Variants in CDYL2 observed in about 807,000 individuals in gnomAD.
The protein encoded by CDYL2 is chromodomain Y-like protein 2.
In CDYL2, 23 loss-of-function variants were observed where a neutral mutation model predicts 49.4. The ratio of observed to expected loss-of-function variants is 0.47; its 90% confidence interval spans 0.34 to 0.66. CDYL2 has a LOEUF of 0.66. Ranked by LOEUF, CDYL2 falls within the 30% of genes least tolerant of loss-of-function variation. CDYL2 has a pLI of 0.01. For missense variants in CDYL2, 678 were observed against 656.4 expected (o/e 1.03, Z -0.36); for synonymous variants, 360 against 268.8 (o/e 1.34, Z -3.32).
intron 1 of CDYL2, among the ~76,000 whole-genome samples, chr16:80,726,805 C>T (rs1312622318): frequency 6.6e-6 from 1 of 152,140 alleles, no homozygotes; most frequent in Non-Finnish European, 1.5e-5. Context: ...AACAAACAAA[C>T]AGCTAAGCAT....
chr16:80,710,344 C>T (rs1429269741), intron 1 of CDYL2, among the ~76,000 whole-genome samples: 1 of 152,174 alleles, frequency 6.6e-6, no homozygotes, highest in African/African-American at 2.4e-5. Flanking sequence ...ATTGGTACAA[C>T]CCTTCCAGCA....
intron 5 of CDYL2, among the ~76,000 whole-genome samples, chr16:80,610,859 C>A (rs549273552): frequency 2.6e-5 from 4 of 152,248 alleles, no homozygotes; most frequent in African/African-American, 9.6e-5. Flanking sequence ...CATCTGCTGG[C>A]AGATGCCCCC....
At chr16:80,607,839 T>C (rs1226388104) in intron 6 of CDYL2, among the ~76,000 whole-genome samples, 2 of 152,226 alleles carry the variant, frequency 1.3e-5, no homozygotes, top group African/African-American at 4.8e-5. Context: ...GCAGTGACGC[T>C]ACCCTAGAGT....
chr16:80,708,761 G>A (rs1304651795), intron 1 of CDYL2, among the ~76,000 whole-genome samples: 2 of 150,614 alleles, frequency 1.3e-5, no homozygotes, highest in African/African-American at 4.9e-5. Context: ...GTTTTTTTTT[G>A]TACTTATATG....
intron 1 of CDYL2, among the ~76,000 whole-genome samples, chr16:80,762,483 C>G (rs1333719153): frequency 6.6e-6 from 1 of 152,190 alleles, no homozygotes; most frequent in Non-Finnish European, 1.5e-5. Flanking sequence ...AGAAGGAACT[C>G]ACAATCGCCA....
chr16:80,628,959 A>G (rs1266040566), intron 3 of CDYL2, among the ~76,000 whole-genome samples: 2 of 152,196 alleles, frequency 1.3e-5, no homozygotes, highest in African/African-American at 2.4e-5. Flanking sequence ...AGCAAGAGTG[A>G]GTGAAGCAAG....
At position 80,736,721 on chromosome 16, in the gene CDYL2, G is replaced by T. The variant is rs969927851; in HGVS notation, c.25-51592C>A. Among the ~76,000 whole-genome samples, 4 of 152,288 alleles carry T rather than the reference G, an allele frequency of 2.6e-5. No individual in the cohort carries two copies. The Middle Eastern group carries it at 0.01, about 388-fold the overall frequency. On this transcript the variant is annotated intron_variant, in intron 1 of 6. Coordinates refer to ENST00000570137, the MANE Select transcript of CDYL2 (RefSeq NM_152342.4). Reference sequence around the variant, plus strand: ...AGTCTAGGAGTTCAAGATGAGACTGGCCAACATAGTGAGACGTCATCTCTA... The same window carrying T: ...AGTCTAGGAGTTCAAGATGAGACTGTCCAACATAGTGAGACGTCATCTCTA...
intron 1 of CDYL2, among the ~76,000 whole-genome samples, chr16:80,695,379 A>T (rs1437800452): frequency 3.7e-4 from 56 of 152,256 alleles, no homozygotes; most frequent in Non-Finnish European, 2.9e-5. Flanking sequence ...AAAGCAAATG[A>T]CAAGAGTAAG....
rs1906621604 is a variant in CDYL2, at chr16:80,612,055, G to A, written c.1218+571C>T. Among the ~76,000 whole-genome samples the A allele has an allele frequency of 6.6e-6, 1 of 152,232 alleles. No individual in the cohort carries two copies. The highest frequency in any genetic ancestry group is 1.5e-5 in the Non-Finnish European group (1 of 68,048). On this transcript the variant is annotated intron_variant, in intron 5 of 6. Coordinates refer to ENST00000570137, the MANE Select transcript of CDYL2 (RefSeq NM_152342.4). This position sits in a 1 kb window ranked among gnomAD's most constrained non-coding sequence, Gnocchi z 5.0. ...TCCCTCTTCTTGCTGGACATGCGCT[G>A]GGCTGCGTCTCCCGGCCTCCCTTGC... is the stretch of plus-strand genomic sequence containing the variant.
At chr16:80,645,675 C>G (rs1374832044) in intron 2 of CDYL2, among the ~76,000 whole-genome samples, 2 of 152,094 alleles carry the variant, frequency 1.3e-5, no homozygotes, top group African/African-American at 2.4e-5. Flanking sequence ...GCTATAAAGA[C>G]ACATGCACAC....
At chr16:80,743,704 C>G (rs1029141893) in intron 1 of CDYL2, among the ~76,000 whole-genome samples, 4 of 151,640 alleles carry the variant, frequency 2.6e-5, no homozygotes, top group African/African-American at 9.7e-5. Flanking sequence ...GTTTTTTTGC[C>G]CCTTTCATCT....
intron 2 of CDYL2, among the ~76,000 whole-genome samples, chr16:80,672,850 G>A (rs545314817): frequency 1.3e-5 from 2 of 152,328 alleles, no homozygotes; most frequent in East Asian, 3.9e-4. Flanking sequence ...AATATCTGTT[G>A]TTGGTGCAAT....
chr16:80,673,086 G>A (rs1359073187), intron 2 of CDYL2, among the ~76,000 whole-genome samples: 3 of 152,182 alleles, frequency 2.0e-5, no homozygotes, highest in Non-Finnish European at 4.4e-5. Flanking sequence ...GGGAGGCCGA[G>A]GTGGGTGGAT....
At chr16:80,735,133 CA>C (rs2142544218) in intron 1 of CDYL2, 1 of 152,272 alleles carries the variant, frequency 6.6e-6, no homozygotes, top group East Asian at 1.9e-4. Context: ...GAGAACTTCT[CA>C]GAAGAACACA....
intron 1 of CDYL2, among the ~76,000 whole-genome samples, chr16:80,689,954 C>T (rs891977944): frequency 3.9e-5 from 6 of 151,928 alleles, no homozygotes; most frequent in Admixed American, 1.3e-4. Flanking sequence ...AACCCCATCT[C>T]TACTAATAAT....
At chr16:80,686,110 T>C (rs1331151684) in intron 1 of CDYL2, among the ~76,000 whole-genome samples, 2 of 152,224 alleles carry the variant, frequency 1.3e-5, no homozygotes, top group Admixed American at 6.5e-5. Context: ...TCGCAGGCGA[T>C]ACTGGTGGGA....
At chr16:80,639,833 C>T in intron 2 of CDYL2, 1 of 420,784 alleles carries the variant, frequency 2.4e-6, no homozygotes, top group Non-Finnish European at 4.7e-6. Flanking sequence ...AATTGTGAGG[C>T]ATTGAACTCA....
chr16:80,786,581 A>G (rs761483329), intron 1 of CDYL2, among the ~76,000 whole-genome samples: 2 of 152,212 alleles, frequency 1.3e-5, no homozygotes, highest in African/African-American at 2.4e-5. Context: ...CCAGAACTAG[A>G]AATAACATTT....
At chr16:80,792,257 C>T (rs567366390) in intron 1 of CDYL2, among the ~76,000 whole-genome samples, 1 of 152,158 alleles carries the variant, frequency 6.6e-6, no homozygotes, top group South Asian at 2.1e-4. Context: ...CACTATAGTA[C>T]AATGAAAGAA....
Sources: allele counts gnomAD v4.1 joint callset (sites outside exome capture counted in the v4.1 genomes callset), GRCh38; gene constraint gnomAD v4.1.1; non-coding constraint Gnocchi (gnomAD v3.1); transcripts MANE v1.5; gene names NCBI Gene and HGNC (gene_info 2026-07-23, HGNC 2026-07-21).